Variants in EVC observed in about 807,000 individuals in gnomAD.
The protein encoded by EVC is evC complex member EVC.
EVC carries 116 observed loss-of-function variants against 118.9 expected under a neutral mutation model. The observed-to-expected ratio is 0.98, with a 90% CI of 0.84 to 1.14. The LOEUF is 1.14. EVC is among the 50% of genes most tolerant of loss of function. The pLI is 0.00. For missense variants in EVC, 1,401 were observed against 1,246.4 expected, an observed-to-expected ratio of 1.12 and a Z score of -1.87; for synonymous variants, 619 against 534.7, an observed-to-expected ratio of 1.16 and a Z score of -2.18.
chr4:5,820,783 T>G, the EVC span: 1 of 150,626 alleles, frequency 6.6e-6, no homozygotes, highest in Non-Finnish European at 1.5e-5. Flanking sequence ...CCTAGTCAGG[T>G]CAGTGGGCAG....
chr4:5,741,373 C>G (rs1728543798), intron 5 of EVC, among the ~76,000 whole-genome samples: 1 of 152,212 alleles, frequency 6.6e-6, no homozygotes, highest in African/African-American at 2.4e-5. Context: ...TTCAAAGAAG[C>G]AAACCCTCCT....
Position 5,755,386 on chromosome 4 carries a change from C to A in EVC, c.1465-878C>A, listed in dbSNP as rs1316365. Among the ~76,000 whole-genome samples, 139,687 of 152,130 alleles carry A rather than the reference C, an allele frequency of 0.92. 64,326 individuals carry two copies. Among genetic ancestry groups the A allele is most frequent in the African/African-American group, 0.98 (40,703 of 41,518 alleles). On this transcript the variant is annotated intron_variant, in intron 10 of 20. Coordinates refer to ENST00000264956, the MANE Select transcript of EVC (RefSeq NM_153717.3). The surrounding 1 kb of genome is among the most constrained non-coding windows in gnomAD (Gnocchi z 4.1). ...GAAGGGTGAATGAGCGCATGCGTGC[C>A]TGAATGAACCAGGACATGGACAAAT... is the stretch of plus-strand genomic sequence containing the variant.
At position 5,757,844 on chromosome 4, in the gene EVC, C is replaced by T. The variant is rs536689286; in HGVS notation, c.1563+1482C>T. On this transcript the variant is annotated intron_variant, in intron 11 of 20. Coordinates refer to ENST00000264956, the MANE Select transcript of EVC (RefSeq NM_153717.3). ...ACATAAGAATTTGATTACTTAATTA[C>T]CTCCAAATACAGTCACATGGGATAT... is the stretch of plus-strand genomic sequence containing the variant. Among the ~76,000 whole-genome samples the T allele has an allele frequency of 8.2e-5, 12 of 147,108 alleles. 2 individuals carry two copies. In the South Asian group the frequency reaches 2.5e-3, roughly 31 times the overall value.
chr4:5,788,484 T>G (rs1712130175), intron 12 of EVC, among the ~76,000 whole-genome samples: 1 of 152,200 alleles, frequency 6.6e-6, no homozygotes, highest in Admixed American at 6.5e-5. Context: ...AGTCTCCATT[T>G]AGATGATTGA....
intron 12 of EVC, among the ~76,000 whole-genome samples, chr4:5,793,109 A>G (rs1364304047): frequency 6.6e-6 from 1 of 152,186 alleles, no homozygotes; most frequent in Non-Finnish European, 1.5e-5. Context: ...CAAGAGGATA[A>G]GGCAGGACCT....
chr4:5,799,636 T>C (rs562516043), intron 15 of EVC, among the ~76,000 whole-genome samples: 10 of 152,160 alleles, frequency 6.6e-5, no homozygotes, highest in Non-Finnish European at 1.2e-4. Flanking sequence ...TGTCTGTGGC[T>C]GGGAGACAGC....
intron 11 of EVC, among the ~76,000 whole-genome samples, chr4:5,757,804 G>A (rs1284974335): frequency 1.3e-5 from 2 of 152,084 alleles, no homozygotes; most frequent in Non-Finnish European, 2.9e-5. Flanking sequence ...TGGGATATTG[G>A]AGGTTAGAGC....
intron 11 of EVC, among the ~76,000 whole-genome samples, chr4:5,759,509 C>G (rs866298712): frequency 2.0e-5 from 3 of 151,900 alleles, no homozygotes. Flanking sequence ...CTATGGGCGG[C>G]GGGGGTGGTT....
At position 5,797,012 on chromosome 4, in the gene EVC, TTCCTCAAAGGTCCACGCGGTGTG is replaced by T. The variant is rs779275317; in HGVS notation, c.1887-5_1904del. On this transcript the variant is annotated splice_acceptor_variant and splice_polypyrimidine_tract_variant and coding_sequence_variant and intron_variant, in exon 14 of 21. Transcript: ENST00000264956. LOFTEE classifies it high-confidence loss of function. ...GCATTGACCCCACCCCTCACCTGCTTTCCTCAAAGGTCCACGCGGTGTGTCCTGCAGGGGCATGACCTGCTGTT... is the reference window on the plus strand; with the variant it reads ...GCATTGACCCCACCCCTCACCTGCTTTCCTGCAGGGGCATGACCTGCTGTT... 2.2e-5 allele frequency: 36 copies of T among 1,608,086 alleles called. No homozygotes were observed. In the African/African-American group the frequency reaches 4.7e-4, roughly 21 times the overall value.
chr4:5,716,825 T>C (rs1364536230), intron 1 of EVC, among the ~76,000 whole-genome samples: 1 of 152,206 alleles, frequency 6.6e-6, no homozygotes, highest in Admixed American at 6.5e-5. Context: ...CTTCATCTCA[T>C]AATTTCCATG....
intron 12 of EVC, among the ~76,000 whole-genome samples, chr4:5,788,788 C>A (rs1249852999): frequency 6.6e-6 from 1 of 152,188 alleles, no homozygotes; most frequent in African/African-American, 2.4e-5. Context: ...CATTCTCAAC[C>A]CCCACCCAGA....
chr4:5,776,825 A>G (rs1437029408), intron 11 of EVC, among the ~76,000 whole-genome samples: 4 of 151,980 alleles, frequency 2.6e-5, no homozygotes, highest in Non-Finnish European at 5.9e-5. Context: ...ATTCTAGACA[A>G]TATTTTCAAT....
At chr4:5,769,474 TCC>T (rs199926652) in intron 11 of EVC, among the ~76,000 whole-genome samples, 44 of 127,050 alleles carry the variant, frequency 3.5e-4, no homozygotes, top group Admixed American at 2.9e-3. Context: ...TTTTTCTGAA[TCC>T]CCCCTGTCTC....
intron 2 of EVC, among the ~76,000 whole-genome samples, chr4:5,721,433 C>T (rs1294858719): frequency 6.6e-6 from 1 of 152,122 alleles, no homozygotes; most frequent in East Asian, 1.9e-4. Flanking sequence ...GATTCCATTC[C>T]TGTGAAATGT....
Position 5,752,925 on chromosome 4 carries a change from G to A in EVC, c.1188G>A (p.Arg396=), listed in dbSNP as rs367659093. The change falls in exon 9 of 21, where the codon CGG becomes CGA. Residue 396 remains arginine, a synonymous_variant. Coordinates refer to ENST00000264956, the MANE Select transcript of EVC (RefSeq NM_153717.3). ...KLQVQEETRC[R]LAAISHGLEL... is the part of the protein sequence containing the mutation. ...AAGTCCAGGAGGAGACCAGGTGCCG[G>A]CTGGCTGCCATCTCCCACGGCCTGG... 5.6e-6 allele frequency: 9 copies of A among 1,614,044 alleles called. No individual in the cohort carries two copies. The highest frequency in any genetic ancestry group is 1.6e-4 in the Middle Eastern group (1 of 6,084).
At chr4:5,808,702 G>A (rs79921590) in intron 18 of EVC, among the ~76,000 whole-genome samples, 2,198 of 152,326 alleles carry the variant, frequency 0.014, 49 homozygotes, top group African/African-American at 0.048. Context: ...GTTGGCGATA[G>A]CTAAAGTTTA....
intron 2 of EVC, among the ~76,000 whole-genome samples, chr4:5,723,936 G>C (rs1725392417): frequency 6.6e-6 from 1 of 152,180 alleles, no homozygotes; most frequent in Non-Finnish European, 1.5e-5. Context: ...GAATGCAGGG[G>C]ATTGAGAGCA....
intron 12 of EVC, among the ~76,000 whole-genome samples, chr4:5,792,756 C>T (rs1713034789): frequency 6.6e-6 from 1 of 152,112 alleles, no homozygotes; most frequent in African/African-American, 2.4e-5. Flanking sequence ...GTATCCCAAA[C>T]CAGTAGATTT....
chr4:5,751,456 C>T (rs1730355223), intron 8 of EVC, among the ~76,000 whole-genome samples: 1 of 152,246 alleles, frequency 6.6e-6, no homozygotes. Context: ...TCCCGCGGCC[C>T]ACCTGGCACC....
Sources: gnomAD v4.1 joint callset for allele counts (sites outside exome capture counted in the v4.1 genomes callset) on GRCh38, gnomAD v4.1.1 for gene constraint, Gnocchi (gnomAD v3.1) non-coding constraint, MANE v1.5 for transcripts, NCBI Gene and HGNC (gene_info 2026-07-23, HGNC 2026-07-21) for gene names.